The following NALF1 variants were observed in gnomAD, a reference collection of about 807,000 sequenced individuals.
NALF1 encodes family with sequence similarity 155 member A.
In NALF1, 3 loss-of-function variants were observed where a neutral mutation model predicts 48.4. That is an observed-to-expected ratio of 0.06 (90% CI 0.03 to 0.16). The LOEUF (loss-of-function observed/expected upper bound fraction) is 0.16. Among genes scored for constraint, NALF1 ranks in the 10% least tolerant of loss-of-function variants. The probability of loss-of-function intolerance (pLI) is 1.00; values close to 1 mark genes in which losing one functional copy is unlikely to be tolerated. For missense variants in NALF1, 526 were observed against 571.5 expected (o/e 0.92, Z 0.81); for synonymous variants, 262 against 245.7 (o/e 1.07, Z -0.62).
chr13:107,444,516 G>T (rs1452290243), intron 1 of NALF1, among the ~76,000 whole-genome samples: 2 of 152,054 alleles, frequency 1.3e-5, no homozygotes, highest in Non-Finnish European at 2.9e-5. Flanking sequence ...TTGGAATAAT[G>T]CAAAAAATCT....
intron 1 of NALF1, among the ~76,000 whole-genome samples, chr13:107,561,973 T>G (rs1877661869): frequency 6.6e-6 from 1 of 152,218 alleles, no homozygotes; most frequent in Non-Finnish European, 1.5e-5. Flanking sequence ...AACAAGATAA[T>G]ATGCAAAATG....
rs139790555 is a variant in NALF1, at chr13:107,208,773, T to A, written c.1087+1811A>T. Among the ~76,000 whole-genome samples the A allele has an allele frequency of 3.8e-3, 583 of 152,260 alleles. 3 individuals are homozygous for A. The highest frequency in any genetic ancestry group is 0.013 in the African/African-American group (553 of 41,532). ...GGAATGTTGTATGCAAAATTCAATA[T>A]GAATTAATAGCCTGTGTCTGGTGAA... On this transcript the variant is annotated intron_variant, in intron 2 of 2. Coordinates refer to ENST00000375915, the MANE Select transcript of NALF1 (RefSeq NM_001080396.3).
chr13:107,688,867 G>A (rs1378897821), intron 1 of NALF1, among the ~76,000 whole-genome samples: 2 of 152,162 alleles, frequency 1.3e-5, no homozygotes, highest in Non-Finnish European at 2.9e-5. Flanking sequence ...TCAGGTGACC[G>A]AAATGCATTA....
chr13:107,584,364 G>A (rs1192200885), intron 1 of NALF1, among the ~76,000 whole-genome samples: 7 of 152,074 alleles, frequency 4.6e-5, no homozygotes, highest in Non-Finnish European at 1.0e-4. Context: ...TGAAATAATT[G>A]AAAGTATTTT....
rs1876136925 is a variant in NALF1 at position 107,518,592 on chromosome 13, A to C, written c.916-307837T>G. Among the ~76,000 whole-genome samples, 3 of 152,140 alleles carry C rather than the reference A, an allele frequency of 2.0e-5. 1 individual carries two copies. Among genetic ancestry groups the C allele is most frequent in the Admixed American group, 2.0e-4 (3 of 15,270 alleles). ...TCGGGATATTTCAAGCTACAAACCA[A>C]AGGTACCTTTTCTCCTTGAGCTGCC... On this transcript the variant is annotated intron_variant, in intron 1 of 2. Transcript: ENST00000375915.
intron 1 of NALF1, among the ~76,000 whole-genome samples, chr13:107,355,141 G>C (rs1179927296): frequency 1.3e-5 from 2 of 152,148 alleles, no homozygotes; most frequent in African/African-American, 4.8e-5. Context: ...CATCCATCTG[G>C]GGGCAGCAAG....
intron 1 of NALF1, among the ~76,000 whole-genome samples, chr13:107,818,879 A>C: frequency 6.8e-6 from 1 of 147,034 alleles, no homozygotes; most frequent in African/African-American, 2.5e-5. Context: ...CTCAAAAAAA[A>C]AAAAAAAAAA....
At chr13:107,380,930 A>T (rs972530456) in intron 1 of NALF1, among the ~76,000 whole-genome samples, 1 of 148,932 alleles carries the variant, frequency 6.7e-6, no homozygotes, top group African/African-American at 2.5e-5. Flanking sequence ...GAGAGCAGAG[A>T]TCGTGCCACT....
At chr13:107,299,471 TAAATA>T (rs771924489) in intron 1 of NALF1, among the ~76,000 whole-genome samples, 743 of 51,452 alleles carry the variant, frequency 0.014, 7 homozygotes, top group African/African-American at 0.043. Context: ...ATAATAATAA[TAAATA>T]AATAAATAAA....
chr13:107,834,639 GA>G (rs1879837693), intron 1 of NALF1, among the ~76,000 whole-genome samples: 1 of 152,044 alleles, frequency 6.6e-6, no homozygotes, highest in African/African-American at 2.4e-5. Flanking sequence ...AATTTACTGT[GA>G]TTTTTTTACA....
intron 1 of NALF1, among the ~76,000 whole-genome samples, chr13:107,582,239 G>C (rs1355622091): frequency 1.3e-5 from 2 of 152,188 alleles, no homozygotes; most frequent in African/African-American, 2.4e-5. Flanking sequence ...TAGACATTAA[G>C]AAAGGCATAG....
intron 1 of NALF1, among the ~76,000 whole-genome samples, chr13:107,393,609 G>A (rs991840034): frequency 6.6e-6 from 1 of 152,060 alleles, no homozygotes; most frequent in African/African-American, 2.4e-5. Context: ...CCCTTCAATA[G>A]AAATGAAAAG....
chr13:107,188,432 A>G (rs1879220186), intron 2 of NALF1, among the ~76,000 whole-genome samples: 1 of 151,320 alleles, frequency 6.6e-6, no homozygotes, highest in African/African-American at 2.4e-5. Flanking sequence ...ACCTAGAAAA[A>G]AAAAGTTCAA....
intron 1 of NALF1, among the ~76,000 whole-genome samples, chr13:107,419,980 A>T (rs972295590): frequency 2.6e-5 from 4 of 152,198 alleles, no homozygotes; most frequent in African/African-American, 9.6e-5. Context: ...GGTACTTCAA[A>T]AATGGAACTG....
intron 1 of NALF1, among the ~76,000 whole-genome samples, chr13:107,225,287 G>T (rs1042776908): frequency 2.6e-5 from 4 of 152,120 alleles, no homozygotes; most frequent in Non-Finnish European, 5.9e-5. Context: ...AGGATTACAG[G>T]AGTGAGCTAC....
intron 1 of NALF1, among the ~76,000 whole-genome samples, chr13:107,687,978 C>T (rs1881477315): frequency 6.6e-6 from 1 of 152,108 alleles, no homozygotes; most frequent in African/African-American, 2.4e-5. Flanking sequence ...TAACATTCCT[C>T]AACAGAATAC....
At position 107,851,805 on chromosome 13, in the gene NALF1, C is replaced by CATTTTTTTTTTTTTTT. The variant is rs1555329721; in HGVS notation, c.915+13876_915+13877insAAAAAAAAAAAAAAAT. Among the ~76,000 whole-genome samples, 421 of 104,702 alleles carry CATTTTTTTTTTTTTTT rather than the reference C, an allele frequency of 4.0e-3. 39 individuals are homozygous for CATTTTTTTTTTTTTTT. Among genetic ancestry groups the CATTTTTTTTTTTTTTT allele is most frequent in the East Asian group, 0.025 (88 of 3,484 alleles). 68.7% of individuals were successfully genotyped at this position (104,702 alleles called of 152,430 possible). A position where few individuals can be genotyped will look rare whatever the true frequency, so the allele number is the denominator to read the frequency against. On this transcript the variant is annotated intron_variant, in intron 1 of 2. Transcript: ENST00000375915. Reference sequence around the variant, plus strand: ...GGATTAAGGGCTTTACAGGCCCTTTCTTTTTTTTTTTTTTTTTTTTTGAGA... The same window carrying CATTTTTTTTTTTTTTT: ...GGATTAAGGGCTTTACAGGCCCTTTCATTTTTTTTTTTTTTTTTTTTTTTTTTTTTTTTTTTTGAGA...
chr13:107,522,261 G>A (rs1430489829), intron 1 of NALF1, among the ~76,000 whole-genome samples: 1 of 151,784 alleles, frequency 6.6e-6, no homozygotes. Flanking sequence ...TCTCCCCTAC[G>A]CCACTGAAAC....
At chr13:107,545,240 G>C (rs144421999) in intron 1 of NALF1, among the ~76,000 whole-genome samples, 260 of 152,280 alleles carry the variant, frequency 1.7e-3, no homozygotes, top group African/African-American at 6.1e-3. Context: ...CAGGGGGAGT[G>C]CTGTGTGCTG....
Sources: allele counts gnomAD v4.1 joint callset (sites outside exome capture counted in the v4.1 genomes callset), GRCh38; gene constraint gnomAD v4.1.1; transcripts MANE v1.5; gene names NCBI Gene and HGNC (gene_info 2026-07-23, HGNC 2026-07-21).